Variants in TRIM22 observed in about 807,000 individuals in gnomAD.
The protein encoded by TRIM22 is E3 ubiquitin-protein ligase TRIM22.
Under a neutral mutation model 53.6 loss-of-function variants are expected in TRIM22, and 45 were observed. The observed-to-expected ratio is 0.84, with a 90% CI of 0.66 to 1.08. TRIM22 has a LOEUF of 1.08. TRIM22 is among the 50% of genes least tolerant of loss of function. The probability of loss-of-function intolerance (pLI) is 0.00; values close to 1 mark genes in which losing one functional copy is unlikely to be tolerated. For missense variants in TRIM22, 616 were observed against 590.9 expected (o/e 1.04, Z -0.44); for synonymous variants, 225 against 216.6 (o/e 1.04, Z -0.34).
At position 5,704,323 on chromosome 11, in the gene TRIM22, G is replaced by T. The variant is rs918797939; in HGVS notation, c.751-2271G>T. Among the ~76,000 whole-genome samples, 3 of 151,542 alleles carry T rather than the reference G, an allele frequency of 2.0e-5. No homozygotes were observed. The South Asian group carries it at 6.2e-4, about 31-fold the overall frequency. On this transcript the variant is annotated intron_variant, in intron 4 of 7. Coordinates refer to ENST00000379965, the MANE Select transcript of TRIM22 (RefSeq NM_006074.5). ...TGACCTTAGTGGTGAAACCACACACGCTAGTCTTTTTCTTGATTTTAGGAG... is the reference window on the plus strand; with the variant it reads ...TGACCTTAGTGGTGAAACCACACACTCTAGTCTTTTTCTTGATTTTAGGAG...
intron 5 of TRIM22, 37 bp downstream of exon 5, chr11:5,706,653 A>C (rs1418762079): frequency 1.3e-6 from 2 of 1,585,478 alleles, no homozygotes; most frequent in African/African-American, 2.7e-5. Flanking sequence ...TATTTGTCTG[A>C]AAAGAGAATT....
At chr11:5,697,101 T>C (rs576636568) in intron 2 of TRIM22, 147 bp from the exon 3 acceptor site, 1 of 597,658 alleles carries the variant, frequency 1.7e-6, no homozygotes, top group South Asian at 2.4e-5. Flanking sequence ...CCTCAGATTT[T>C]CCCCCATGCC....
Position 5,697,321 on chromosome 11 carries a change from G to C in TRIM22, c.497G>C (p.Arg166Thr). The part of the protein sequence containing the change: ...QEAEKLEDDI[R>T]QERTAWKNYI... The stretch of plus-strand genomic sequence containing the variant: ...GCTGAGAAGCTGGAAGATGACATCA[G>C]ACAAGAGAGAACCGCCTGGAAGGCA... The change falls in exon 3 of 8, where the codon AGA becomes ACA. Residue 166 changes from arginine (R) to threonine (T), a missense_variant. Arg to Thr is a moderately conservative substitution (Grantham distance 71). Transcript: ENST00000379965. 3 of 1,613,604 alleles carry C rather than the reference G, an allele frequency of 1.9e-6. No individual in the cohort carries two copies. The highest frequency in any genetic ancestry group is 1.3e-5 in the African/African-American group (1 of 75,064).
chr11:5,696,015 G>C (rs1158602318), intron 1 of TRIM22, among the ~76,000 whole-genome samples, 152 bp from the exon 2 acceptor site: 2 of 152,154 alleles, frequency 1.3e-5, no homozygotes, highest in African/African-American at 4.8e-5. Context: ...TTACTACAAA[G>C]TCCATTTTAT....
intron 4 of TRIM22, among the ~76,000 whole-genome samples, chr11:5,699,013 G>C (rs1167312586): frequency 6.6e-6 from 1 of 152,134 alleles, no homozygotes; most frequent in East Asian, 1.9e-4. Flanking sequence ...ATAATATTTT[G>C]AGGTTTATTT....
chr11:5,690,794 G>A (rs547282784), intron 1 of TRIM22, among the ~76,000 whole-genome samples: 1 of 152,296 alleles, frequency 6.6e-6, no homozygotes, highest in Admixed American at 6.5e-5. Context: ...CCTGTGCAAT[G>A]AAGCTTTGTT....
chr11:5,708,915 G>C, intron 7 of TRIM22, 138 bp from the exon 8 acceptor site: 1 of 706,648 alleles, frequency 1.4e-6, no homozygotes, highest in Non-Finnish European at 2.3e-6. Context: ...TATTTCTTAA[G>C]GGTCCTACTA....
intron 4 of TRIM22, among the ~76,000 whole-genome samples, chr11:5,700,131 T>C (rs944567339): frequency 6.6e-6 from 1 of 151,598 alleles, no homozygotes; most frequent in African/African-American, 2.4e-5. Flanking sequence ...TTTTTTGGTG[T>C]ATTTTTTTGG....
intron 4 of TRIM22, among the ~76,000 whole-genome samples, chr11:5,700,605 T>TC (rs1554943352): frequency 1.5e-4 from 14 of 92,870 alleles, no homozygotes; most frequent in Non-Finnish European, 2.5e-4. Flanking sequence ...TTTTTTTTTT[T>TC]CAGATTTGTA....
intron 4 of TRIM22, among the ~76,000 whole-genome samples, chr11:5,706,292 T>A (rs899708593): frequency 6.6e-6 from 1 of 152,166 alleles, no homozygotes; most frequent in East Asian, 1.9e-4. Flanking sequence ...TGACCATCTA[T>A]TTATTCCCAC....
rs896786271 is a variant in TRIM22, at chr11:5,703,021, T to C, written c.751-3573T>C. Among the ~76,000 whole-genome samples, 10 of 152,256 alleles carry C rather than the reference T, an allele frequency of 6.6e-5. No individual in the cohort carries two copies. In the South Asian group the frequency reaches 1.4e-3, roughly 22 times the overall value. ...AGATCATTTACATACTGAATCATGC[T>C]GTCTGTAAATAAATATAGTTAATTT... On this transcript the variant is annotated intron_variant, in intron 4 of 7. Coordinates refer to ENST00000379965, the MANE Select transcript of TRIM22 (RefSeq NM_006074.5).
chr11:5,706,673 A>G, intron 5 of TRIM22, 57 bp downstream of exon 5: 1 of 1,510,104 alleles, frequency 6.6e-7, no homozygotes, highest in Non-Finnish European at 9.1e-7. Context: ...TATAGTCCTG[A>G]GAGATATCTT....
At chr11:5,703,155 T>C (rs1412006225) in intron 4 of TRIM22, among the ~76,000 whole-genome samples, 1 of 152,224 alleles carries the variant, frequency 6.6e-6, no homozygotes, top group African/African-American at 2.4e-5. Flanking sequence ...ACCCAGGTAA[T>C]GAGCATATTA....
rs754978689 is a variant in TRIM22, at chr11:5,706,549, A to G, written c.751-45A>G. 2.5e-6 allele frequency: 4 copies of G among 1,604,486 alleles called. 1 individual carries two copies. In the South Asian group the frequency reaches 4.5e-5, roughly 18 times the overall value. On this transcript the variant is annotated intron_variant, in intron 4 of 7. Coordinates refer to ENST00000379965, the MANE Select transcript of TRIM22 (RefSeq NM_006074.5). ...TGAACTAGCCACTTTTATGTTCTAA[A>G]TCTGGCAACCCTATCTTGACTCATG... is the stretch of plus-strand genomic sequence containing the variant.
chr11:5,710,375 T>C lies in TRIM22; in HGVS notation c.*727T>C, dbSNP rs911437907. 9 of 152,314 alleles carry C rather than the reference T, an allele frequency of 5.9e-5. No individual in the cohort carries two copies. The highest frequency in any genetic ancestry group is 1.9e-4 in the East Asian group (1 of 5,190). 9.4% of individuals were successfully genotyped at this position (152,314 alleles called of 1,614,324 possible). On this transcript the variant is annotated 3_prime_UTR_variant, in exon 8 of 8. Coordinates refer to ENST00000379965, the MANE Select transcript of TRIM22 (RefSeq NM_006074.5). Reference sequence around the variant, plus strand: ...CTCATTTCCTCTGCCCCTTAAAAGATTGAAGAAAGAGAAACTTGTCAACTC... The same window carrying C: ...CTCATTTCCTCTGCCCCTTAAAAGACTGAAGAAAGAGAAACTTGTCAACTC...
intron 7 of TRIM22, 60 bp from the exon 8 acceptor site, chr11:5,708,993 C>A: frequency 1.5e-6 from 2 of 1,297,372 alleles, no homozygotes; most frequent in Admixed American, 2.0e-5. Context: ...TGTCTCTTCT[C>A]AATGCTGTAA....
In TRIM22 at chr11:5,696,183, G is replaced by T; in HGVS notation, c.-50G>T. The T allele has an allele frequency of 6.5e-7, 1 of 1,541,540 alleles. No individual in the cohort carries two copies. Among genetic ancestry groups the T allele is most frequent in the South Asian group, 1.3e-5 (1 of 78,858 alleles). ...CATTCTCAGCACTGCAGGAGTTTGT[G>T]ACCAAGAACTTCAAGAGTCAAGACA... On this transcript the variant is annotated 5_prime_UTR_variant, in exon 2 of 8. Transcript: ENST00000379965.
At chr11:5,694,310 T>C (rs1853222153) in intron 1 of TRIM22, among the ~76,000 whole-genome samples, 1 of 152,224 alleles carries the variant, frequency 6.6e-6, no homozygotes, top group Admixed American at 6.5e-5. Context: ...GTCTATATCA[T>C]GTGTGTGATC....
intron 1 of TRIM22, among the ~76,000 whole-genome samples, chr11:5,693,189 CTTTTTTTT>C (rs55820335): frequency 3.2e-5 from 4 of 125,620 alleles, no homozygotes; most frequent in African/African-American, 8.8e-5. Flanking sequence ...GCCTGGCCAT[CTTTTTTTT>C]TTTTTTTTTT....
Sources: allele counts gnomAD v4.1 joint callset (sites outside exome capture counted in the v4.1 genomes callset), GRCh38; gene constraint gnomAD v4.1.1; transcripts MANE v1.5; gene names NCBI Gene and HGNC (gene_info 2026-07-23, HGNC 2026-07-21).